The following FGFR2 variants were observed in gnomAD, a reference collection of about 807,000 sequenced individuals.
FGFR2 encodes BEK fibroblast growth factor receptor.
Under a neutral mutation model 95.9 loss-of-function variants are expected in FGFR2, and 19 were observed. The ratio of observed to expected loss-of-function variants is 0.20; its 90% CI spans 0.14 to 0.29. The LOEUF is 0.29. Ranked by LOEUF, FGFR2 falls within the 10% of genes least tolerant of loss-of-function variation. FGFR2 has a pLI of 1.00. For synonymous variants in FGFR2, 392 were observed against 393.3 expected (o/e 1.00, Z 0.04); for missense variants, 707 against 1,056.9 (o/e 0.67, Z 4.59).
At chr10:121,482,221 A>G (rs1340614029) in intron 17 of FGFR2, 2 of 1,593,884 alleles carry the variant, frequency 1.3e-6, no homozygotes, top group South Asian at 1.1e-5. Context: ...CCAAGTCTAC[A>G]GTTAAAGGAA....
intron 9 of FGFR2, among the ~76,000 whole-genome samples, chr10:121,507,721 A>G (rs1160689858): frequency 1.3e-5 from 2 of 152,182 alleles, no homozygotes; most frequent in East Asian, 3.9e-4. Context: ...TCTGCTACCA[A>G]CACTGCAATA....
intron 6 of FGFR2, among the ~76,000 whole-genome samples, chr10:121,526,431 TTAG>T (rs1851378143): frequency 6.6e-6 from 1 of 152,182 alleles, no homozygotes; most frequent in East Asian, 1.9e-4. Flanking sequence ...CTAATTACAA[TTAG>T]TAGAATGAGT....
intron 2 of FGFR2, among the ~76,000 whole-genome samples, chr10:121,592,226 C>T (rs1422942713): frequency 6.6e-6 from 1 of 152,124 alleles, no homozygotes; most frequent in African/African-American, 2.4e-5. Context: ...AAATTAAAGA[C>T]GTACAGGCAT....
At chr10:121,569,409 G>C (rs1037132022) in intron 2 of FGFR2, among the ~76,000 whole-genome samples, 8 of 152,094 alleles carry the variant, frequency 5.3e-5, no homozygotes, top group African/African-American at 1.7e-4. Flanking sequence ...TTTTATGAGA[G>C]ACAGCGTTTA....
chr10:121,561,842 A>G (rs1359809651), intron 4 of FGFR2, among the ~76,000 whole-genome samples: 1 of 152,264 alleles, frequency 6.6e-6, no homozygotes, highest in Non-Finnish European at 1.5e-5. Flanking sequence ...ATAACTCGAC[A>G]GTAAGAAAAC....
intron 11 of FGFR2, among the ~76,000 whole-genome samples, chr10:121,498,932 C>T (rs1412709654): frequency 1.3e-5 from 2 of 152,170 alleles, no homozygotes; most frequent in Admixed American, 6.5e-5. Flanking sequence ...CAGAAAACCA[C>T]ACCAAACTTC....
At chr10:121,526,156 T>C (rs1851340884) in intron 6 of FGFR2, 1 of 398,632 alleles carries the variant, frequency 2.5e-6, no homozygotes, top group Non-Finnish European at 4.4e-6. Flanking sequence ...TTTAATTACC[T>C]TTCCTCCAAA....
chr10:121,511,534 G>C (rs1014585756), intron 9 of FGFR2, among the ~76,000 whole-genome samples: 1 of 152,104 alleles, frequency 6.6e-6, no homozygotes, highest in Non-Finnish European at 1.5e-5. Context: ...CTGGTCACTG[G>C]CTGTCCAGCA....
intron 2 of FGFR2, among the ~76,000 whole-genome samples, chr10:121,574,954 A>C (rs1859478416): frequency 6.6e-6 from 1 of 152,216 alleles, no homozygotes; most frequent in Non-Finnish European, 1.5e-5. Context: ...TCTGGTAGAC[A>C]CAAGTCGGGA....
chr10:121,479,286 T>C lies in FGFR2; in HGVS notation c.*571A>G, dbSNP rs945125544. ...CATTTTCCCTGAAAGCAAAAGTATT[T>C]TTCCACCTCTGCTCGGTGAAAATTA... On this transcript the variant is annotated 3_prime_UTR_variant, in exon 18 of 18. Transcript: ENST00000358487. 3.7e-5 allele frequency: 9 copies of C among 246,368 alleles called. No homozygotes were observed. The East Asian group carries it at 4.7e-4, about 13-fold the overall frequency. The allele number at this position is 246,368 out of a possible 1,614,324, so 15.3% of individuals were successfully genotyped here.
intron 10 of FGFR2, among the ~76,000 whole-genome samples, chr10:121,503,102 G>A (rs1166779758): frequency 1.3e-5 from 2 of 152,180 alleles, no homozygotes; most frequent in Non-Finnish European, 2.9e-5. Context: ...TGCCTCACCC[G>A]AGGTTGCCCA....
At chr10:121,496,494 T>C (rs1225938286) in intron 13 of FGFR2, 38 bp downstream of exon 13, 1 of 1,604,712 alleles carries the variant, frequency 6.2e-7, no homozygotes, top group Non-Finnish European at 8.5e-7. Flanking sequence ...CATTTTTAGT[T>C]GGATTCCACC....
intron 4 of FGFR2, among the ~76,000 whole-genome samples, chr10:121,555,454 T>C (rs1264293241): frequency 6.6e-6 from 1 of 152,122 alleles, no homozygotes; most frequent in Non-Finnish European, 1.5e-5. Context: ...TTATATACCT[T>C]AGAGGTGTAT....
At chr10:121,520,239 T>TC (rs1850338342) in intron 6 of FGFR2, 70 bp from the exon 7 acceptor site, 5 of 1,475,394 alleles carry the variant, frequency 3.4e-6, no homozygotes, top group Non-Finnish European at 4.6e-6. Context: ...AGCTGTGTTG[T>TC]CCAGAGGGCT....
intron 9 of FGFR2, among the ~76,000 whole-genome samples, chr10:121,506,325 T>G (rs1194539074): frequency 8.1e-6 from 1 of 122,890 alleles, no homozygotes; most frequent in Non-Finnish European, 1.6e-5. Context: ...ACCACAGCAC[T>G]CCAGCCTGGG....
At chr10:121,491,358 C>T (rs1291050512) in intron 13 of FGFR2, among the ~76,000 whole-genome samples, 1 of 152,074 alleles carries the variant, frequency 6.6e-6, no homozygotes, top group African/African-American at 2.4e-5. Context: ...TTCTCCAGCA[C>T]AGGGAGCTGA....
intron 9 of FGFR2, among the ~76,000 whole-genome samples, chr10:121,508,672 A>T (rs553522896): frequency 2.6e-5 from 4 of 152,350 alleles, no homozygotes; most frequent in African/African-American, 9.6e-5. Flanking sequence ...TACAAGAAGG[A>T]TGACTTACGG....
At chr10:121,539,837 T>C (rs1853427948) in intron 5 of FGFR2, among the ~76,000 whole-genome samples, 1 of 152,104 alleles carries the variant, frequency 6.6e-6, no homozygotes, top group African/African-American at 2.4e-5. Flanking sequence ...TATAAGAAAC[T>C]AGAGAATAAA....
At chr10:121,505,846 G>C (rs1848193358) in intron 9 of FGFR2, among the ~76,000 whole-genome samples, 2 of 152,226 alleles carry the variant, frequency 1.3e-5, no homozygotes, top group Non-Finnish European at 2.9e-5. Flanking sequence ...AGATTCAGGA[G>C]CGGGTTTAAC....
Sources: gnomAD v4.1 joint callset for allele counts (sites outside exome capture counted in the v4.1 genomes callset) on GRCh38, gnomAD v4.1.1 for gene constraint, MANE v1.5 for transcripts, NCBI Gene and HGNC (gene_info 2026-07-23, HGNC 2026-07-21) for gene names.